Variants in CTNND2 observed in about 807,000 individuals in gnomAD.
CTNND2 encodes catenin delta-2.
A neutral mutation model predicts 144.4 loss-of-function variants in CTNND2; 22 were observed. That is an observed-to-expected ratio of 0.15 (90% CI 0.11 to 0.22). The LOEUF is 0.22. Among genes scored for constraint, CTNND2 ranks in the 10% least tolerant of loss-of-function variants. The pLI is 1.00. For synonymous variants in CTNND2, 751 were observed against 695.6 expected, an observed-to-expected ratio of 1.08 and a Z score of -1.25; for missense variants, 1,353 against 1,618.8, an observed-to-expected ratio of 0.84 and a Z score of 2.82.
intron 16 of CTNND2, among the ~76,000 whole-genome samples, chr5:11,030,155 C>T (rs1220895602): frequency 3.3e-5 from 5 of 152,078 alleles, no homozygotes; most frequent in Non-Finnish European, 7.4e-5. Context: ...TGAGTCACTT[C>T]TCTCTGCTTT....
chr5:11,102,243 C>T (rs1313559894), intron 14 of CTNND2, among the ~76,000 whole-genome samples: 1 of 152,170 alleles, frequency 6.6e-6, no homozygotes, highest in Non-Finnish European at 1.5e-5. Context: ...GTTCAAATTA[C>T]ACTTTGTGCA....
chr5:11,242,325 A>G (rs919826917), intron 9 of CTNND2, among the ~76,000 whole-genome samples: 7 of 152,168 alleles, frequency 4.6e-5, no homozygotes, highest in Non-Finnish European at 8.8e-5. Context: ...GTGTTATTGA[A>G]CTTAAGTGAT....
chr5:11,573,632 T>A (rs1405058116), intron 2 of CTNND2, among the ~76,000 whole-genome samples: 1 of 152,126 alleles, frequency 6.6e-6, no homozygotes, highest in African/African-American at 2.4e-5. Context: ...TCAGAAACTG[T>A]GGCAAAGAGC....
chr5:11,469,420 A>T (rs1766958389), intron 3 of CTNND2, among the ~76,000 whole-genome samples: 1 of 152,194 alleles, frequency 6.6e-6, no homozygotes, highest in South Asian at 2.1e-4. Context: ...AGTACACGAA[A>T]TCCACAATCC....
intron 12 of CTNND2, among the ~76,000 whole-genome samples, chr5:11,156,042 G>A (rs569363723): frequency 5.5e-4 from 83 of 152,228 alleles, no homozygotes; most frequent in African/African-American, 2.0e-3. Flanking sequence ...GTGGCGTTAG[G>A]GCATGAAGTG....
intron 8 of CTNND2, among the ~76,000 whole-genome samples, chr5:11,347,239 C>T (rs1248174891): frequency 6.6e-5 from 10 of 152,084 alleles, no homozygotes; most frequent in Admixed American, 6.5e-4. Context: ...TTTTATATGC[C>T]TCTTTTTCAA....
chr5:11,898,042 C>T (rs562335738), intron 1 of CTNND2, among the ~76,000 whole-genome samples: 2 of 152,286 alleles, frequency 1.3e-5, no homozygotes, highest in Admixed American at 1.3e-4. Context: ...TTGGCTCTGC[C>T]AGCTCAGAAA....
intron 9 of CTNND2, among the ~76,000 whole-genome samples, chr5:11,281,454 G>A (rs373043658): frequency 6.6e-6 from 1 of 152,206 alleles, no homozygotes; most frequent in African/African-American, 2.4e-5. Flanking sequence ...AGAATTCCAC[G>A]AAGCAATGGC....
chr5:10,981,332 T>C (rs1456597999), intron 21 of CTNND2, among the ~76,000 whole-genome samples: 2 of 152,242 alleles, frequency 1.3e-5, no homozygotes, highest in Non-Finnish European at 2.9e-5. Flanking sequence ...AAGTTCTCTA[T>C]TGAACTTGCT....
chr5:11,046,678 C>G (rs978045440), intron 16 of CTNND2, among the ~76,000 whole-genome samples: 1 of 152,154 alleles, frequency 6.6e-6, no homozygotes, highest in Non-Finnish European at 1.5e-5. Flanking sequence ...TGTCTGAAAT[C>G]TCATTGAATG....
chr5:11,840,197 T>C (rs1210169702), intron 1 of CTNND2, among the ~76,000 whole-genome samples: 3 of 152,030 alleles, frequency 2.0e-5, no homozygotes, highest in African/African-American at 2.4e-5. Context: ...CCTATAAAAA[T>C]AGAAAAACCC....
In CTNND2 at chr5:11,470,981, T is replaced by TATATATATATA. The variant is rs58435800; in HGVS notation, c.288-58913_288-58912insTATATATATAT. 5.3e-3 allele frequency among the ~76,000 whole-genome samples: 336 copies of TATATATATATA among 63,822 alleles called. 1 individual carries two copies. Among genetic ancestry groups the TATATATATATA allele is most frequent in the Non-Finnish European group, 6.6e-3 (237 of 35,914 alleles). The allele number at this position is 63,822 out of a possible 152,430, so 41.9% of individuals were successfully genotyped here. A position where few individuals can be genotyped will look rare whatever the true frequency, so the allele number is the denominator to read the frequency against. The stretch of plus-strand genomic sequence containing the variant: ...ATATATATATATATATATATATATA[T>TATATATATATA]TTTTTTTTTTTTTTTAGATGGAGTC... On this transcript the variant is annotated intron_variant, in intron 3 of 21. Coordinates refer to ENST00000304623, the MANE Select transcript of CTNND2 (RefSeq NM_001332.4).
intron 1 of CTNND2, among the ~76,000 whole-genome samples, chr5:11,857,940 T>C (rs1795328219): frequency 6.6e-6 from 1 of 152,174 alleles, no homozygotes; most frequent in Non-Finnish European, 1.5e-5. Flanking sequence ...AAAAGAGAAC[T>C]TTTCAGATAG....
intron 3 of CTNND2, among the ~76,000 whole-genome samples, chr5:11,480,700 A>G (rs1432263223): frequency 6.6e-6 from 1 of 151,170 alleles, no homozygotes; most frequent in Non-Finnish European, 1.5e-5. Flanking sequence ...AGAGGTTATA[A>G]TAGAGTTTTT....
chr5:11,309,950 T>C (rs1278294101), intron 9 of CTNND2, among the ~76,000 whole-genome samples: 3 of 152,154 alleles, frequency 2.0e-5, no homozygotes, highest in Non-Finnish European at 2.9e-5. Flanking sequence ...CCCCTCTGCC[T>C]TCTGCCATTA....
chr5:11,138,618 G>A (rs958685934), intron 12 of CTNND2, among the ~76,000 whole-genome samples: 1 of 152,196 alleles, frequency 6.6e-6, no homozygotes, highest in African/African-American at 2.4e-5. Flanking sequence ...TCGGGTCTGT[G>A]ATTGGTGTGA....
At chr5:11,404,613 T>C (rs1414427497) in intron 5 of CTNND2, among the ~76,000 whole-genome samples, 1 of 81,880 alleles carries the variant, frequency 1.2e-5, no homozygotes, top group African/African-American at 1.3e-4. Flanking sequence ...TTTTTTTTTT[T>C]TTTTTTTTTT....
At chr5:11,557,769 G>A (rs62338591) in intron 3 of CTNND2, among the ~76,000 whole-genome samples, 37 of 152,176 alleles carry the variant, frequency 2.4e-4, no homozygotes, top group Non-Finnish European at 3.8e-4. Context: ...AACTGATGAC[G>A]GGAATCTTGC....
intron 3 of CTNND2, among the ~76,000 whole-genome samples, chr5:11,488,186 T>C (rs1581316211): frequency 1.3e-5 from 2 of 152,238 alleles, no homozygotes; most frequent in Non-Finnish European, 1.5e-5. Flanking sequence ...CCATTATTTA[T>C]ATACTTTCAA....
Sources: gnomAD v4.1 joint callset for allele counts (sites outside exome capture counted in the v4.1 genomes callset) on GRCh38, gnomAD v4.1.1 for gene constraint, MANE v1.5 for transcripts, NCBI Gene and HGNC (gene_info 2026-07-23, HGNC 2026-07-21) for gene names.